Variants in GPM6A observed in about 807,000 individuals in gnomAD.
GPM6A encodes the protein glycoprotein M6A, also known as neuronal membrane glycoprotein M6-a.
Under a neutral mutation model 32.1 loss-of-function variants are expected in GPM6A, and 7 were observed. The observed-to-expected ratio is 0.22, with a 90% confidence interval of 0.12 to 0.41. GPM6A has a LOEUF of 0.41. Among genes scored for constraint, GPM6A ranks in the 10% least tolerant of loss-of-function variants. The pLI is 1.00. For missense variants in GPM6A, 235 were observed against 347.2 expected (o/e 0.68, Z 2.57); for synonymous variants, 130 against 123.4 (o/e 1.05, Z -0.35).
Position 175,693,804 on chromosome 4 carries a change from C to A in GPM6A, c.230+7771G>T, listed in dbSNP as rs77689186. 8.0e-3 allele frequency among the ~76,000 whole-genome samples: 1,223 copies of A among 152,216 alleles called. 8 individuals are homozygous for A. The highest frequency in any genetic ancestry group is 0.014 in the Non-Finnish European group (959 of 68,026). ...TATGGTTTATATCTGTGTCCCCACC[C>A]AAATCTAATGTTTAATTGTAATCCC... On this transcript the variant is annotated intron_variant, in intron 2 of 6. Transcript: ENST00000393658.
chr4:175,835,643 A>G (rs1047424511), intron 1 of GPM6A, among the ~76,000 whole-genome samples: 1 of 146,340 alleles, frequency 6.8e-6, no homozygotes, highest in African/African-American at 2.5e-5. Flanking sequence ...ATATATATAT[A>G]TATATATGCT....
At chr4:175,805,719 T>C (rs762739354) in intron 1 of GPM6A, among the ~76,000 whole-genome samples, 5 of 152,236 alleles carry the variant, frequency 3.3e-5, no homozygotes, top group Non-Finnish European at 7.3e-5. Flanking sequence ...CATCTCTTAA[T>C]ACACATCATT....
At position 175,804,576 on chromosome 4, in the gene GPM6A, A is replaced by AGGCCCT. The variant is rs1275132403; in HGVS notation, c.37+7614_37+7615insAGGGCC. On this transcript the variant is annotated intron_variant, in intron 1 of 6. Transcript: ENST00000393658. The stretch of plus-strand genomic sequence containing the variant: ...TATTTATTAACTAGTGTTAAGATAT[A>AGGCCCT]TTGACATTAGACACTGCATATGAAA... Among the ~76,000 whole-genome samples, 10 of 152,354 alleles carry AGGCCCT rather than the reference A, an allele frequency of 6.6e-5. No individual in the cohort carries two copies. In the Middle Eastern group the frequency reaches 0.014, roughly 207 times the overall value.
At chr4:175,762,178 C>A (rs1023634814) in intron 1 of GPM6A, among the ~76,000 whole-genome samples, 3 of 152,174 alleles carry the variant, frequency 2.0e-5, no homozygotes, top group Non-Finnish European at 4.4e-5. Flanking sequence ...TTCCCTTGGT[C>A]ATTCTACGCT....
chr4:175,885,798 G>T (rs1737433750), intron 1 of GPM6A, among the ~76,000 whole-genome samples: 1 of 152,072 alleles, frequency 6.6e-6, no homozygotes, highest in Non-Finnish European at 1.5e-5. Flanking sequence ...GTGTTCAAAT[G>T]GTGAAAACTA....
At chr4:175,690,063 A>G (rs907393334) in intron 2 of GPM6A, among the ~76,000 whole-genome samples, 1 of 152,174 alleles carries the variant, frequency 6.6e-6, no homozygotes, top group African/African-American at 2.4e-5. Flanking sequence ...GAGTACTGCA[A>G]ACTCTTAAGG....
intron 1 of GPM6A, among the ~76,000 whole-genome samples, chr4:175,980,961 G>T (rs927628302): frequency 1.3e-5 from 2 of 152,156 alleles, no homozygotes; most frequent in Non-Finnish European, 1.5e-5. Flanking sequence ...GTAGCTTACA[G>T]AAATTATCAC....
chr4:175,812,683 C>G, upstream of GPM6A: 3 of 986,632 alleles, frequency 3.0e-6, no homozygotes, highest in Non-Finnish European at 3.6e-6. Context: ...GAGCTGTGAA[C>G]AGATGGAGGG....
chr4:175,947,948 T>C (rs1739664322), intron 1 of GPM6A, among the ~76,000 whole-genome samples: 1 of 152,176 alleles, frequency 6.6e-6, no homozygotes, highest in South Asian at 2.1e-4. Flanking sequence ...CATATATGAA[T>C]AAAAAGATGA....
At position 175,993,908 on chromosome 4, in the gene GPM6A, T is replaced by C. The variant is rs570583995; in HGVS notation, c.-23+8401A>G. On this transcript the variant is annotated intron_variant, in intron 1 of 7. Transcript: ENST00000280187. ...AACTCCAGGCATTTGTGCAACTTAC[T>C]TGTAGCTTTACCAGATTTTCCTAGC... Among the ~76,000 whole-genome samples the C allele has an allele frequency of 3.9e-5, 6 of 152,360 alleles. No individual in the cohort carries two copies. In the South Asian group the frequency reaches 1.2e-3, roughly 32 times the overall value.
intron 1 of GPM6A, among the ~76,000 whole-genome samples, chr4:175,942,432 T>C (rs1303907263): frequency 6.6e-6 from 1 of 152,248 alleles, no homozygotes; most frequent in East Asian, 1.9e-4. Context: ...TTTGGTGTTT[T>C]AGTCATGAAG....
At chr4:175,771,551 CAAAAAA>C (rs889739577) in intron 1 of GPM6A, among the ~76,000 whole-genome samples, 1 of 66,570 alleles carries the variant, frequency 1.5e-5, no homozygotes, top group Admixed American at 1.7e-4. Context: ...GACTCTGTCT[CAAAAAA>C]AAAAAAAAAA....
chr4:175,877,153 T>C (rs2111449737), intron 1 of GPM6A, among the ~76,000 whole-genome samples: 1 of 152,274 alleles, frequency 6.6e-6, no homozygotes, highest in East Asian at 1.9e-4. Context: ...CTGAGGTGAA[T>C]GCAGACAGCA....
At chr4:175,919,399 AG>A (rs1738597493) in intron 1 of GPM6A, among the ~76,000 whole-genome samples, 1 of 152,210 alleles carries the variant, frequency 6.6e-6, no homozygotes, top group Admixed American at 6.5e-5. Flanking sequence ...TTAATGGGCC[AG>A]AAGAAGCTTA....
At chr4:175,879,714 T>G (rs1483593198) in intron 1 of GPM6A, among the ~76,000 whole-genome samples, 2 of 152,140 alleles carry the variant, frequency 1.3e-5, no homozygotes, top group Non-Finnish European at 2.9e-5. Context: ...AACATCAAAA[T>G]AGTAGGCAAA....
chr4:175,744,136 G>C lies in GPM6A; in HGVS notation c.38-42369C>G, dbSNP rs112452630. ...GCCGTAGAGTAAGTAATAAACAAAT[G>C]TGAAAATGTTTGAAATATACAATGT... On this transcript the variant is annotated intron_variant, in intron 1 of 6. Coordinates refer to ENST00000393658, the MANE Select transcript of GPM6A (RefSeq NM_201591.3). Among the ~76,000 whole-genome samples, 10 of 152,076 alleles carry C rather than the reference G, an allele frequency of 6.6e-5. 1 individual carries two copies. The highest frequency in any genetic ancestry group is 2.4e-4 in the African/African-American group (10 of 41,542).
intron 1 of GPM6A, among the ~76,000 whole-genome samples, chr4:175,928,834 T>C (rs2044884565): frequency 6.6e-6 from 1 of 152,224 alleles, no homozygotes; most frequent in South Asian, 2.1e-4. Context: ...CTCAGGTTTA[T>C]CATAGACATT....
At position 175,650,086 on chromosome 4, in the gene GPM6A, G is replaced by A. The variant is rs969054222; in HGVS notation, c.541+1748C>T. 1.5e-4 allele frequency among the ~76,000 whole-genome samples: 23 copies of A among 152,142 alleles called. No homozygotes were observed. In the South Asian group the frequency reaches 2.7e-3, roughly 18 times the overall value. On this transcript the variant is annotated intron_variant, in intron 4 of 6. Coordinates refer to ENST00000393658, the MANE Select transcript of GPM6A (RefSeq NM_201591.3). ...CGATATTTACAGGGGATTTGATTTTGAGAGTAAAACCTCCCCAATGTCCAT... is the reference window on the plus strand; with the variant it reads ...CGATATTTACAGGGGATTTGATTTTAAGAGTAAAACCTCCCCAATGTCCAT...
intron 1 of GPM6A, among the ~76,000 whole-genome samples, chr4:175,835,239 A>T (rs1049869493): frequency 6.6e-6 from 1 of 152,202 alleles, no homozygotes; most frequent in African/African-American, 2.4e-5. Context: ...AGACTAATCT[A>T]AATGATTAGG....
Sources: allele counts gnomAD v4.1 joint callset (sites outside exome capture counted in the v4.1 genomes callset), GRCh38; gene constraint gnomAD v4.1.1; transcripts MANE v1.5; gene names NCBI Gene and HGNC (gene_info 2026-07-23, HGNC 2026-07-21).